Variants in KIAA1217 observed in about 807,000 individuals in gnomAD.
KIAA1217 encodes KIAA1217, also known as sickle tail protein homolog.
A neutral mutation model predicts 163.9 loss-of-function variants in KIAA1217; 88 were observed. That is an observed-to-expected ratio of 0.54 (90% CI 0.45 to 0.64). KIAA1217 has a LOEUF of 0.64. Ranked by LOEUF, KIAA1217 falls within the 30% of genes least tolerant of loss-of-function variation. The probability of loss-of-function intolerance (pLI) is 0.00; values close to 1 mark genes in which losing one functional copy is unlikely to be tolerated. For missense variants in KIAA1217, 2,372 were observed against 2,475.0 expected (o/e 0.96, Z 0.88); for synonymous variants, 903 against 923.1 (o/e 0.98, Z 0.39).
intron 1 of KIAA1217, among the ~76,000 whole-genome samples, chr10:23,873,680 T>TTGTC (rs71281598): frequency 0.32 from 48,213 of 151,196 alleles, 10,451 homozygotes; most frequent in African/African-American, 0.62. Flanking sequence ...GCCCTACAAG[T>TTGTC]TGTCTGTTTC....
Position 24,062,536 on chromosome 10 carries a change from C to T in KIAA1217, c.-171+55162C>T, listed in dbSNP as rs11013869. Among the ~76,000 whole-genome samples, 208 of 151,112 alleles carry T rather than the reference C, an allele frequency of 1.4e-3. 1 individual carries two copies. The highest frequency in any genetic ancestry group is 4.9e-3 in the African/African-American group (200 of 40,804). ...GCCACATTTTCTTAATCCAGTCTAT[C>T]ATTGTTGGACATTTGGGTTGGTTCC... is the stretch of plus-strand genomic sequence containing the variant. On this transcript the variant is annotated intron_variant, in intron 2 of 18. Transcript: ENST00000376462.
chr10:24,192,910 A>G (rs903025479), intron 2 of KIAA1217, among the ~76,000 whole-genome samples: 8 of 152,152 alleles, frequency 5.3e-5, no homozygotes, highest in African/African-American at 1.9e-4. Context: ...CTCCTGAGTA[A>G]CTGGTACTAC....
intron 2 of KIAA1217, among the ~76,000 whole-genome samples, chr10:24,342,754 G>A (rs1465900287): frequency 1.3e-5 from 2 of 149,756 alleles, no homozygotes; most frequent in African/African-American, 4.9e-5. Context: ...CGCCTCCCAG[G>A]TTCAAGCGAT....
At chr10:24,436,757 CAAAAAAAAAAAAA>C (rs10560676) in intron 4 of KIAA1217, among the ~76,000 whole-genome samples, 1 of 70,870 alleles carries the variant, frequency 1.4e-5, no homozygotes, top group Non-Finnish European at 2.4e-5. Context: ...GACTCCGTCT[CAAAAAAAAAAAAA>C]AAAAAAAAAA....
chr10:23,703,091 C>T lies in KIAA1217; in HGVS notation c.-321+7857C>T, dbSNP rs191444189. The stretch of plus-strand genomic sequence containing the variant: ...CCCTAGTGGCGATTAGAACATCTTC[C>T]CTCCATGCCCTGGTTAATGCCAGGA... On this transcript the variant is annotated intron_variant, in intron 1 of 18. Coordinates refer to the KIAA1217 transcript ENST00000376462. 1.1e-4 allele frequency among the ~76,000 whole-genome samples: 16 copies of T among 152,210 alleles called. No homozygotes were observed. The East Asian group carries it at 2.7e-3, about 26-fold the overall frequency.
In KIAA1217 at chr10:24,311,136, C is replaced by T. The variant is rs1031243324; in HGVS notation, c.355-69733C>T. Among the ~76,000 whole-genome samples the T allele has an allele frequency of 3.3e-5, 5 of 152,148 alleles. No homozygotes were observed. In the South Asian group the frequency reaches 1.0e-3, roughly 32 times the overall value. On this transcript the variant is annotated intron_variant, in intron 2 of 20. Coordinates refer to ENST00000376454, the MANE Select transcript of KIAA1217 (RefSeq NM_019590.5). ...CAATGCCAGAACTCCTAACAGTGGA[C>T]CCCAGGCCGTAGGAGGTGATCTAGA...
chr10:24,394,706 G>A (rs753031002), intron 3 of KIAA1217, among the ~76,000 whole-genome samples: 6 of 152,046 alleles, frequency 3.9e-5, no homozygotes, highest in Non-Finnish European at 7.4e-5. Flanking sequence ...CAGCAGTCTC[G>A]CCCAGCACCT....
intron 19 of KIAA1217, among the ~76,000 whole-genome samples, 186 bp from the exon 20 acceptor site, chr10:24,544,795 C>T (rs551771108): frequency 1.1e-4 from 16 of 152,294 alleles, no homozygotes; most frequent in African/African-American, 3.4e-4. Context: ...TCCGTTTGAT[C>T]AGTAGTGAGC....
intron 2 of KIAA1217, among the ~76,000 whole-genome samples, chr10:24,379,673 C>T (rs1169137785): frequency 6.6e-6 from 1 of 152,144 alleles, no homozygotes; most frequent in Non-Finnish European, 1.5e-5. Flanking sequence ...GTATCAGGCA[C>T]ACCTTGGGCA....
intron 2 of KIAA1217, among the ~76,000 whole-genome samples, chr10:24,086,491 G>A (rs1220790841): frequency 6.6e-6 from 1 of 152,136 alleles, no homozygotes; most frequent in African/African-American, 2.4e-5. Context: ...ATACTTCCAG[G>A]TTGATTTTGT....
chr10:24,227,147 A>ATTG (rs1332328325), intron 2 of KIAA1217, among the ~76,000 whole-genome samples: 1 of 150,068 alleles, frequency 6.7e-6, no homozygotes. Flanking sequence ...TAAAGGGATT[A>ATTG]TTATTATTAT....
chr10:24,123,836 ATC>A (rs2063373758), intron 2 of KIAA1217, among the ~76,000 whole-genome samples: 1 of 152,136 alleles, frequency 6.6e-6, no homozygotes, highest in Admixed American at 6.6e-5. Flanking sequence ...TTCTTTGCTA[ATC>A]TCTTAGATGT....
intron 3 of KIAA1217, among the ~76,000 whole-genome samples, chr10:24,413,180 T>C (rs4748946): frequency 0.047 from 7,222 of 152,226 alleles, 226 homozygotes; most frequent in South Asian, 0.11. Flanking sequence ...GTTTAGTCCT[T>C]GTCCCTTGTA....
At chr10:24,356,532 C>A (rs1163099387) in intron 2 of KIAA1217, among the ~76,000 whole-genome samples, 1 of 152,192 alleles carries the variant, frequency 6.6e-6, no homozygotes, top group African/African-American at 2.4e-5. Flanking sequence ...GTGTGTCCCC[C>A]AAAGTTCATG....
intron 2 of KIAA1217, among the ~76,000 whole-genome samples, chr10:24,229,428 G>A (rs1481497549): frequency 6.6e-6 from 1 of 152,204 alleles, no homozygotes; most frequent in Non-Finnish European, 1.5e-5. Flanking sequence ...TGGGAGAATA[G>A]CCACATGTAG....
intron 2 of KIAA1217, among the ~76,000 whole-genome samples, chr10:24,022,372 T>A (rs906158769): frequency 2.0e-5 from 3 of 151,902 alleles, no homozygotes; most frequent in African/African-American, 7.2e-5. Flanking sequence ...ATACTATGTG[T>A]CATTAGGAAA....
chr10:24,209,339 C>T, intron 1 of KIAA1217, 76 bp downstream of exon 1: 1 of 1,072,468 alleles, frequency 9.3e-7, no homozygotes, highest in Admixed American at 2.2e-5. Context: ...TTATAAACTG[C>T]AGCTCTGGGA....
At chr10:24,518,816 C>T (rs1464550334) in intron 10 of KIAA1217, among the ~76,000 whole-genome samples, 2 of 152,182 alleles carry the variant, frequency 1.3e-5, no homozygotes, top group Admixed American at 1.3e-4. Context: ...AGTTCACAGA[C>T]GTGGACAATG....
intron 1 of KIAA1217, among the ~76,000 whole-genome samples, chr10:24,001,597 T>C (rs1846746812): frequency 2.0e-5 from 3 of 152,234 alleles, no homozygotes; most frequent in Non-Finnish European, 2.9e-5. Flanking sequence ...TTACCATCAT[T>C]ATCATTTCCA....
Sources: gnomAD v4.1 joint callset for allele counts (sites outside exome capture counted in the v4.1 genomes callset) on GRCh38, gnomAD v4.1.1 for gene constraint, MANE v1.5 for transcripts, NCBI Gene and HGNC (gene_info 2026-07-23, HGNC 2026-07-21) for gene names.